The following SH3RF3 variants were observed in gnomAD, a reference collection of about 807,000 sequenced individuals.
SH3RF3 encodes SH3 domain containing ring finger 3.
SH3RF3 carries 29 observed loss-of-function variants against 66.3 expected under a neutral mutation model. That is an observed-to-expected ratio of 0.44 (90% CI 0.33 to 0.60). The LOEUF is 0.60. Ranked by LOEUF, SH3RF3 falls within the 20% of genes least tolerant of loss-of-function variation. SH3RF3 has a pLI of 0.04. For missense variants in SH3RF3, 1,194 were observed against 1,190.9 expected, an observed-to-expected ratio of 1.00 and a Z score of -0.04; for synonymous variants, 583 against 532.0, an observed-to-expected ratio of 1.10 and a Z score of -1.32.
At chr2:109,192,517 T>A (rs1678391718) in intron 1 of SH3RF3, among the ~76,000 whole-genome samples, 1 of 152,210 alleles carries the variant, frequency 6.6e-6, no homozygotes, top group African/African-American at 2.4e-5. Context: ...TAAGCCTTTC[T>A]TATAGAGATT....
chr2:109,371,447 C>G, intron 2 of SH3RF3, 139 bp from the exon 3 acceptor site: 1 of 620,312 alleles, frequency 1.6e-6, no homozygotes, highest in South Asian at 2.3e-5. Context: ...TGTCAGATAC[C>G]TGAATGGATA....
chr2:109,157,655 T>A (rs535741448), intron 1 of SH3RF3, among the ~76,000 whole-genome samples: 1 of 152,294 alleles, frequency 6.6e-6, no homozygotes, highest in East Asian at 1.9e-4. Flanking sequence ...GAAAGGGATA[T>A]AAAGATGTGA....
At chr2:109,254,871 T>C (rs1334999784) in intron 1 of SH3RF3, among the ~76,000 whole-genome samples, 1 of 152,186 alleles carries the variant, frequency 6.6e-6, no homozygotes, top group Non-Finnish European at 1.5e-5. Flanking sequence ...GTCCGAATTC[T>C]CACGGGTGGG....
chr2:109,299,891 ACTC>A (rs1228223274), intron 1 of SH3RF3, among the ~76,000 whole-genome samples: 1 of 152,172 alleles, frequency 6.6e-6, no homozygotes, highest in Non-Finnish European at 1.5e-5. Flanking sequence ...AAAATTCAGA[ACTC>A]CTGAATGACA....
intron 1 of SH3RF3, among the ~76,000 whole-genome samples, chr2:109,204,077 T>A (rs1354260743): frequency 2.6e-5 from 4 of 152,204 alleles, no homozygotes; most frequent in Non-Finnish European, 5.9e-5. Context: ...TTGCACCTCC[T>A]GCCCACTGGC....
At chr2:109,418,937 C>G (rs887671648) in intron 4 of SH3RF3, among the ~76,000 whole-genome samples, 2 of 152,108 alleles carry the variant, frequency 1.3e-5, no homozygotes, top group African/African-American at 4.8e-5. Flanking sequence ...CTCCCTCGGC[C>G]CCCCCACTGT....
chr2:109,388,595 T>C (rs1675892012), intron 3 of SH3RF3, among the ~76,000 whole-genome samples: 1 of 152,272 alleles, frequency 6.6e-6, no homozygotes, highest in African/African-American at 2.4e-5. Context: ...AAACAGCCAC[T>C]GCTGCATGCA....
At chr2:109,176,442 G>A (rs1056043510) in intron 1 of SH3RF3, among the ~76,000 whole-genome samples, 6 of 152,174 alleles carry the variant, frequency 3.9e-5, no homozygotes, top group Non-Finnish European at 8.8e-5. Context: ...TTGATCAAAA[G>A]GCATAGGGGC....
intron 2 of SH3RF3, among the ~76,000 whole-genome samples, chr2:109,361,573 A>G (rs547229498): frequency 1.4e-3 from 209 of 152,278 alleles, no homozygotes; most frequent in Middle Eastern, 0.01. Flanking sequence ...TCCCTGGTCC[A>G]AGCAATTCTC....
At chr2:109,384,542 G>T (rs1675775411) in intron 3 of SH3RF3, among the ~76,000 whole-genome samples, 1 of 151,978 alleles carries the variant, frequency 6.6e-6, no homozygotes, top group African/African-American at 2.4e-5. Context: ...GGCTTCAGGG[G>T]TTCCCGCAGG....
intron 8 of SH3RF3, among the ~76,000 whole-genome samples, chr2:109,487,490 G>C (rs1233951123): frequency 6.6e-6 from 1 of 152,168 alleles, no homozygotes; most frequent in Non-Finnish European, 1.5e-5. Context: ...TTTTGGAGAG[G>C]GTTTTCTAGC....
chr2:109,266,275 A>G (rs1680491445), intron 1 of SH3RF3, among the ~76,000 whole-genome samples: 1 of 144,820 alleles, frequency 6.9e-6, no homozygotes, highest in South Asian at 2.2e-4. Flanking sequence ...TGCATGTGTT[A>G]TTTGCATGTT....
In SH3RF3 at chr2:109,390,937, C is replaced by T. The variant is rs114083918; in HGVS notation, c.946-7653C>T. On this transcript the variant is annotated intron_variant, in intron 3 of 9. Transcript: ENST00000309415. ...TGGGCTGTGTGACAGCTGGGGTAGG[C>T]GGGCAGGTTCCACAAACTGATCTGC... is the stretch of plus-strand genomic sequence containing the variant. Among the ~76,000 whole-genome samples, 373 of 152,250 alleles carry T rather than the reference C, an allele frequency of 2.4e-3. 1 individual carries two copies. Among genetic ancestry groups the T allele is most frequent in the African/African-American group, 8.6e-3 (358 of 41,534 alleles).
At chr2:109,454,508 A>C (rs1438943216) in intron 8 of SH3RF3, among the ~76,000 whole-genome samples, 1 of 152,196 alleles carries the variant, frequency 6.6e-6, no homozygotes, top group African/African-American at 2.4e-5. Context: ...GACCAAGTCC[A>C]CACGGTGAGA....
At chr2:109,188,294 C>G (rs1678250205) in intron 1 of SH3RF3, among the ~76,000 whole-genome samples, 1 of 152,196 alleles carries the variant, frequency 6.6e-6, no homozygotes, top group Admixed American at 6.5e-5. Context: ...TCTGTGGGAT[C>G]TGGGACACAG....
chr2:109,189,115 C>T (rs1678272204), intron 1 of SH3RF3, among the ~76,000 whole-genome samples: 3 of 152,078 alleles, frequency 2.0e-5, no homozygotes, highest in African/African-American at 7.2e-5. Context: ...GCCTCCACTG[C>T]CTTGCTAGCA....
chr2:109,434,077 G>A (rs1431274863), intron 6 of SH3RF3, among the ~76,000 whole-genome samples: 1 of 152,208 alleles, frequency 6.6e-6, no homozygotes, highest in African/African-American at 2.4e-5. Flanking sequence ...GCCTGTGCTT[G>A]AAGCCCCTGG....
chr2:109,479,162 T>C (rs1678768055), intron 8 of SH3RF3, among the ~76,000 whole-genome samples: 1 of 151,332 alleles, frequency 6.6e-6, no homozygotes, highest in South Asian at 2.1e-4. Flanking sequence ...GTTCCGAGAG[T>C]GAGTGCACGG....
intron 1 of SH3RF3, among the ~76,000 whole-genome samples, chr2:109,174,349 G>T (rs1436447673): frequency 5.3e-5 from 8 of 152,252 alleles, no homozygotes; most frequent in Non-Finnish European, 1.2e-4. Context: ...ACCAGACTGG[G>T]TGCTGGGTTT....
Sources: allele counts gnomAD v4.1 joint callset (sites outside exome capture counted in the v4.1 genomes callset), GRCh38; gene constraint gnomAD v4.1.1; transcripts MANE v1.5; gene names NCBI Gene and HGNC (gene_info 2026-07-23, HGNC 2026-07-21).